The following CLSTN2 variants were observed in gnomAD, a reference collection of about 807,000 sequenced individuals.
CLSTN2 encodes calsyntenin 2.
Under a neutral mutation model 101.2 loss-of-function variants are expected in CLSTN2, and 48 were observed. That is an observed-to-expected ratio of 0.47 (90% confidence interval 0.38 to 0.60). CLSTN2 has a LOEUF of 0.60. CLSTN2 is among the 20% of genes least tolerant of loss of function. CLSTN2 has a pLI of 0.00. For missense variants in CLSTN2, 1,160 were observed against 1,238.2 expected (o/e 0.94, Z 0.95); for synonymous variants, 481 against 463.6 (o/e 1.04, Z -0.48).
At chr3:140,483,438 T>A (rs577283108) in intron 8 of CLSTN2, among the ~76,000 whole-genome samples, 79 of 152,154 alleles carry the variant, frequency 5.2e-4, no homozygotes, top group Admixed American at 4.6e-3. Flanking sequence ...GGGTGGAGAG[T>A]TCTGTAGATG....
chr3:140,438,431 T>TAAA lies in CLSTN2; in HGVS notation c.788-10068_788-10066dup, dbSNP rs60186664. Reference sequence around the variant, plus strand: ...CCACCTAGGAAAATGGTCCTTTCATTAAAAAAAAAAAAAAAAAAAAAAGCT... The same window carrying TAAA: ...CCACCTAGGAAAATGGTCCTTTCATTAAAAAAAAAAAAAAAAAAAAAAAAAGCT... On this transcript the variant is annotated intron_variant, in intron 5 of 16. Transcript: ENST00000458420. Among the ~76,000 whole-genome samples, 54 of 45,648 alleles carry TAAA rather than the reference T, an allele frequency of 1.2e-3. 14 individuals are homozygous for TAAA. Among genetic ancestry groups the TAAA allele is most frequent in the South Asian group, 2.9e-3 (2 of 688 alleles). 29.9% of individuals were successfully genotyped at this position (45,648 alleles called of 152,430 possible).
At chr3:140,532,184 C>G in intron 8 of CLSTN2, 140 bp from the exon 9 acceptor site, 1 of 526,368 alleles carries the variant, frequency 1.9e-6, no homozygotes, top group Non-Finnish European at 3.2e-6. Flanking sequence ...CAGTGTATGT[C>G]AACTGTTATA....
intron 6 of CLSTN2, chr3:140,454,276 C>G (rs1403399507): frequency 6.6e-6 from 1 of 152,136 alleles, no homozygotes. Flanking sequence ...AAAAACATAC[C>G]AAGCTGGAAA....
intron 2 of CLSTN2, among the ~76,000 whole-genome samples, chr3:140,179,027 G>T (rs1239208580): frequency 1.3e-5 from 2 of 151,964 alleles, no homozygotes; most frequent in Non-Finnish European, 2.9e-5. Context: ...CATAGATTCT[G>T]CCATCTTACA....
chr3:140,038,029 C>A (rs2007692580), intron 1 of CLSTN2, among the ~76,000 whole-genome samples: 1 of 152,082 alleles, frequency 6.6e-6, no homozygotes, highest in African/African-American at 2.4e-5. Context: ...ATCTCTATAA[C>A]AGAATGATTT....
intron 2 of CLSTN2, among the ~76,000 whole-genome samples, chr3:140,348,175 A>G (rs2087568566): frequency 6.6e-6 from 1 of 152,198 alleles, no homozygotes; most frequent in Non-Finnish European, 1.5e-5. Flanking sequence ...AGAGTTACCA[A>G]CATGGAAGTA....
At chr3:140,021,555 G>C (rs2007316756) in intron 1 of CLSTN2, among the ~76,000 whole-genome samples, 1 of 152,154 alleles carries the variant, frequency 6.6e-6, no homozygotes, top group African/African-American at 2.4e-5. Flanking sequence ...TGGTCTGGGT[G>C]GGTTGTGTGT....
chr3:140,131,156 T>C (rs1310830374), intron 1 of CLSTN2, among the ~76,000 whole-genome samples: 1 of 151,662 alleles, frequency 6.6e-6, no homozygotes, highest in Non-Finnish European at 1.5e-5. Context: ...GCATTTAGTG[T>C]ATTAAAAAAA....
At chr3:139,937,746 A>AAAACAAAC (rs201494181) in intron 1 of CLSTN2, among the ~76,000 whole-genome samples, 21 of 152,108 alleles carry the variant, frequency 1.4e-4, no homozygotes, top group East Asian at 1.4e-3. Context: ...CTCCGTCTCA[A>AAAACAAAC]AAACAAACAA....
intron 2 of CLSTN2, among the ~76,000 whole-genome samples, chr3:140,236,993 A>C (rs915865945): frequency 6.6e-6 from 1 of 151,884 alleles, no homozygotes; most frequent in Non-Finnish European, 1.5e-5. Context: ...TTCTGGGTCT[A>C]TTTCTACGAA....
chr3:140,258,343 T>A (rs2107880877), intron 2 of CLSTN2, among the ~76,000 whole-genome samples: 1 of 152,330 alleles, frequency 6.6e-6, no homozygotes, highest in East Asian at 1.9e-4. Context: ...TTGGGTCAAA[T>A]ATTTATACAC....
At chr3:140,404,436 A>G in intron 3 of CLSTN2, 122 bp from the exon 4 acceptor site, 3 of 808,746 alleles carry the variant, frequency 3.7e-6, no homozygotes, top group Admixed American at 2.1e-5. Context: ...AACTGCCACA[A>G]TTGGCTGATG....
chr3:140,546,189 G>T (rs987274847), intron 9 of CLSTN2, among the ~76,000 whole-genome samples: 1 of 152,240 alleles, frequency 6.6e-6, no homozygotes, highest in Admixed American at 6.5e-5. Flanking sequence ...CACAAGGCAG[G>T]CCTGAAGTTT....
intron 2 of CLSTN2, among the ~76,000 whole-genome samples, chr3:140,286,093 G>C (rs942353050): frequency 3.9e-5 from 6 of 152,146 alleles, no homozygotes; most frequent in African/African-American, 1.2e-4. Flanking sequence ...ATGGCCCCTG[G>C]AGCAAGAGCT....
chr3:140,396,723 G>A (rs571976057), intron 2 of CLSTN2, among the ~76,000 whole-genome samples: 1 of 152,292 alleles, frequency 6.6e-6, no homozygotes, highest in Non-Finnish European at 1.5e-5. Context: ...AATTTATTAT[G>A]TGGACATGCA....
intron 2 of CLSTN2, among the ~76,000 whole-genome samples, chr3:140,377,022 C>CACAGAGAGAGAGAGAGAGAG (rs148236356): frequency 0.021 from 3,168 of 148,708 alleles, 92 homozygotes; most frequent in African/African-American, 0.051. Flanking sequence ...CACACATACA[C>CACAGAGAGAGAGAGAGAGAG]AGAGAGAGAG....
At chr3:139,995,239 C>G (rs1293738184) in intron 1 of CLSTN2, among the ~76,000 whole-genome samples, 3 of 152,164 alleles carry the variant, frequency 2.0e-5, no homozygotes. Context: ...CCTCAGGGAC[C>G]CCAAATGACC....
chr3:140,201,403 G>A (rs1374098596), intron 2 of CLSTN2, among the ~76,000 whole-genome samples: 16 of 152,100 alleles, frequency 1.1e-4, no homozygotes, highest in Admixed American at 8.5e-4. Context: ...TCATGTGTAG[G>A]GGAAGTAGGA....
intron 1 of CLSTN2, among the ~76,000 whole-genome samples, chr3:140,120,412 A>C (rs2009321138): frequency 6.6e-6 from 1 of 152,202 alleles, no homozygotes; most frequent in African/African-American, 2.4e-5. Flanking sequence ...AGCACTTTCT[A>C]GGAACCTCGA....
Sources: gnomAD v4.1 joint callset for allele counts (sites outside exome capture counted in the v4.1 genomes callset) on GRCh38, gnomAD v4.1.1 for gene constraint, MANE v1.5 for transcripts, NCBI Gene and HGNC (gene_info 2026-07-23, HGNC 2026-07-21) for gene names.